The following CA10 variants were observed in gnomAD, a reference collection of about 807,000 sequenced individuals.
CA10 encodes the protein carbonic anhydrase 10 (inactive).
Under a neutral mutation model 44.2 loss-of-function variants are expected in CA10, and 14 were observed. The observed-to-expected ratio is 0.32, with a 90% confidence interval of 0.21 to 0.50. CA10 has a LOEUF of 0.50. Among genes scored for constraint, CA10 ranks in the 20% least tolerant of loss-of-function variants. The pLI is 0.99. For synonymous variants in CA10, 159 were observed against 141.6 expected (o/e 1.12, Z -0.87); for missense variants, 350 against 409.7 (o/e 0.85, Z 1.26).
chr17:51,707,879 T>C (rs1915811402), intron 4 of CA10, among the ~76,000 whole-genome samples: 1 of 152,128 alleles, frequency 6.6e-6, no homozygotes, highest in Non-Finnish European at 1.5e-5. Flanking sequence ...CCAGAACTCA[T>C]CGGGCTTCTC....
At chr17:51,881,784 G>A (rs1342042670) in intron 3 of CA10, among the ~76,000 whole-genome samples, 1 of 152,162 alleles carries the variant, frequency 6.6e-6, no homozygotes, top group Non-Finnish European at 1.5e-5. Context: ...AAAGCTGTGT[G>A]GGAGGTGGGT....
intron 1 of CA10, among the ~76,000 whole-genome samples, chr17:52,133,477 AAG>A (rs1340398572): frequency 2.0e-5 from 3 of 152,212 alleles, no homozygotes; most frequent in African/African-American, 7.2e-5. Flanking sequence ...AGACTGGAAG[AAG>A]AGGCTTCAGG....
intron 2 of CA10, among the ~76,000 whole-genome samples, chr17:52,044,615 T>G (rs571834382): frequency 8.3e-4 from 126 of 152,166 alleles, no homozygotes; most frequent in South Asian, 7.5e-3. Flanking sequence ...GGGAATTTCT[T>G]TAGAGAAATG....
At chr17:51,779,998 G>T (rs1168866614) in intron 3 of CA10, among the ~76,000 whole-genome samples, 1 of 152,120 alleles carries the variant, frequency 6.6e-6, no homozygotes, top group African/African-American at 2.4e-5. Context: ...AGTGAGTAGT[G>T]TTCTGATCTA....
intron 4 of CA10, among the ~76,000 whole-genome samples, chr17:51,713,887 C>T (rs926249078): frequency 1.1e-4 from 17 of 152,172 alleles, no homozygotes; most frequent in Admixed American, 6.5e-4. Flanking sequence ...AAGAATGAAT[C>T]GGAGATCCCT....
chr17:52,134,676 G>A (rs969266924), intron 1 of CA10, among the ~76,000 whole-genome samples: 2 of 152,044 alleles, frequency 1.3e-5, no homozygotes, highest in Non-Finnish European at 2.9e-5. Context: ...TCTTTCTTAG[G>A]TTATTATTTC....
chr17:51,735,561 A>G lies in CA10; in HGVS notation c.465+12072T>C, dbSNP rs546577264. ...AAATAAAAGTTGAAATTATTTGGAA[A>G]AAAATGTGAACCACAGATGATGCAG... On this transcript the variant is annotated intron_variant, in intron 4 of 8. Coordinates refer to ENST00000451037, the MANE Select transcript of CA10 (RefSeq NM_020178.5). 8.4e-3 allele frequency among the ~76,000 whole-genome samples: 1,285 copies of G among 152,310 alleles called. 62 individuals carry two copies. Among genetic ancestry groups the G allele is most frequent in the Admixed American group, 0.075 (1,152 of 15,296 alleles).
chr17:51,688,539 G>A (rs1426270437), intron 4 of CA10, among the ~76,000 whole-genome samples: 1 of 152,194 alleles, frequency 6.6e-6, no homozygotes, highest in Non-Finnish European at 1.5e-5. Flanking sequence ...TTAGGTTGCT[G>A]TGAGGATTAA....
intron 2 of CA10, among the ~76,000 whole-genome samples, chr17:52,002,671 A>C (rs1184618706): frequency 6.6e-6 from 1 of 151,984 alleles, no homozygotes; most frequent in African/African-American, 2.4e-5. Flanking sequence ...AGAAGGAATC[A>C]AGTTCTCCAT....
intron 3 of CA10, among the ~76,000 whole-genome samples, chr17:51,869,583 A>G (rs948834390): frequency 2.0e-5 from 3 of 152,180 alleles, no homozygotes; most frequent in Non-Finnish European, 4.4e-5. Context: ...AACCCTGGAC[A>G]GAGCCATTTT....
At chr17:52,051,182 C>A (rs966466433) in intron 2 of CA10, among the ~76,000 whole-genome samples, 9 of 151,534 alleles carry the variant, frequency 5.9e-5, no homozygotes, top group Non-Finnish European at 1.3e-4. Flanking sequence ...AACAAAGGAA[C>A]AAAGGCACGT....
intron 3 of CA10, among the ~76,000 whole-genome samples, chr17:51,811,676 A>G (rs1907372496): frequency 6.6e-6 from 1 of 152,194 alleles, no homozygotes; most frequent in Admixed American, 6.5e-5. Context: ...TTCTTAATCC[A>G]GTCTATCATT....
rs547913655 is a variant in CA10, at chr17:51,713,450, G to A, written c.465+34183C>T. On this transcript the variant is annotated intron_variant, in intron 4 of 8. Coordinates refer to ENST00000451037, the MANE Select transcript of CA10 (RefSeq NM_020178.5). ...GAGGACTTGAGGACAATTGATGATG[G>A]TAAGTCATTTGACAAAAATAGGGCC... Among the ~76,000 whole-genome samples the A allele has an allele frequency of 2.6e-5, 4 of 152,208 alleles. No individual in the cohort carries two copies. In the East Asian group the frequency reaches 5.8e-4, roughly 22 times the overall value.
chr17:52,106,433 G>A (rs542086991), intron 1 of CA10, among the ~76,000 whole-genome samples: 35 of 152,340 alleles, frequency 2.3e-4, no homozygotes, highest in African/African-American at 8.2e-4. Context: ...TGAGTTAAGA[G>A]CTACTCCCCA....
chr17:51,806,967 GA>G (rs1907163269), intron 3 of CA10, among the ~76,000 whole-genome samples: 1 of 152,218 alleles, frequency 6.6e-6, no homozygotes, highest in Non-Finnish European at 1.5e-5. Flanking sequence ...AGGAGCAGGG[GA>G]TCATGTAACA....
intron 2 of CA10, among the ~76,000 whole-genome samples, chr17:52,003,165 G>C (rs1263684479): frequency 6.6e-6 from 1 of 151,892 alleles, no homozygotes; most frequent in African/African-American, 2.4e-5. Flanking sequence ...TTAACCTGTG[G>C]ACCACTGTAC....
rs946667404 is a variant in CA10, at chr17:52,141,491, G to C, written c.61+16235C>G. Among the ~76,000 whole-genome samples, 55 of 152,176 alleles carry C rather than the reference G, an allele frequency of 3.6e-4. 1 individual carries two copies. The highest frequency in any genetic ancestry group is 5.6e-4 in the Non-Finnish European group (38 of 68,032). On this transcript the variant is annotated intron_variant, in intron 1 of 8. Coordinates refer to ENST00000451037, the MANE Select transcript of CA10 (RefSeq NM_020178.5). ...CCTGTTGGAAGCATTTGATTCAACT[G>C]TTTCTCAGAAATGTTTTTTTGTAAA...
At chr17:51,783,326 C>A (rs796952380) in intron 3 of CA10, among the ~76,000 whole-genome samples, 1 of 152,124 alleles carries the variant, frequency 6.6e-6, no homozygotes, top group Non-Finnish European at 1.5e-5. Flanking sequence ...GTTTCACACA[C>A]CCTGGGTACT....
At chr17:51,644,806 T>TTC (rs1396254131) in intron 6 of CA10, among the ~76,000 whole-genome samples, 2 of 150,870 alleles carry the variant, frequency 1.3e-5, no homozygotes, top group African/African-American at 4.9e-5. Flanking sequence ...TTGGCTTTTT[T>TTC]TTTTTTTTTT....
Sources: gnomAD v4.1 joint callset for allele counts (sites outside exome capture counted in the v4.1 genomes callset) on GRCh38, gnomAD v4.1.1 for gene constraint, MANE v1.5 for transcripts, NCBI Gene and HGNC (gene_info 2026-07-23, HGNC 2026-07-21) for gene names.